The following KANK1 variants were observed in gnomAD, a reference collection of about 807,000 sequenced individuals.
The protein encoded by KANK1 is KN motif and ankyrin repeat domain-containing protein 1.
Under a neutral mutation model 106.2 loss-of-function variants are expected in KANK1, and 109 were observed. The ratio of observed to expected loss-of-function variants is 1.03; its 90% CI spans 0.88 to 1.20. KANK1 has a LOEUF of 1.20. KANK1 is among the 50% of genes most tolerant of loss of function. The pLI, the probability that KANK1 is intolerant of heterozygous loss-of-function variation, is 0.00. For missense variants in KANK1, 2,399 were observed against 1,710.7 expected, an observed-to-expected ratio of 1.40 and a Z score of -7.10; for synonymous variants, 873 against 652.2, an observed-to-expected ratio of 1.34 and a Z score of -5.16.
At chr9:529,161 G>C (rs2059939866) in intron 1 of KANK1, among the ~76,000 whole-genome samples, 1 of 151,334 alleles carries the variant, frequency 6.6e-6, no homozygotes, top group South Asian at 2.1e-4. Context: ...TCCTGTACTA[G>C]CTACCATATT....
upstream of KANK1, among the ~76,000 whole-genome samples, chr9:502,810 G>C (rs1339348886): frequency 6.6e-6 from 1 of 152,040 alleles, no homozygotes; most frequent in East Asian, 1.9e-4. Context: ...ATAGGTGTGA[G>C]CCAGTGCACC....
At chr9:548,024 T>C (rs1587705488) in intron 1 of KANK1, among the ~76,000 whole-genome samples, 1 of 152,242 alleles carries the variant, frequency 6.6e-6, no homozygotes, top group African/African-American at 2.4e-5. Context: ...ATGAAATCCA[T>C]AATCTTCCTT....
intron 6 of KANK1, 143 bp downstream of exon 6, chr9:732,760 T>C (rs928515589): frequency 6.9e-6 from 6 of 863,884 alleles, no homozygotes; most frequent in Non-Finnish European, 8.9e-6. Context: ...GATACTAATA[T>C]ATACAAGTGC....
chr9:555,280 C>G (rs1161499682), intron 1 of KANK1, among the ~76,000 whole-genome samples: 1 of 152,130 alleles, frequency 6.6e-6, no homozygotes, highest in African/African-American at 2.4e-5. Flanking sequence ...TACGATGACT[C>G]TATGGAGCCA....
intron 2 of KANK1, among the ~76,000 whole-genome samples, chr9:690,178 C>A (rs1251898446): frequency 6.8e-6 from 1 of 147,444 alleles, no homozygotes; most frequent in Non-Finnish European, 1.5e-5. Flanking sequence ...TGTTGGCAGG[C>A]CCCTGTAATC....
chr9:532,072 T>A (rs2060081594), intron 1 of KANK1, among the ~76,000 whole-genome samples: 1 of 152,170 alleles, frequency 6.6e-6, no homozygotes, highest in African/African-American at 2.4e-5. Context: ...TAGACTAGAC[T>A]GTAAAATCGT....
chr9:722,216 G>C (rs115697965), intron 3 of KANK1, among the ~76,000 whole-genome samples: 1,919 of 152,210 alleles, frequency 0.013, 40 homozygotes, highest in African/African-American at 0.043. Context: ...ACTAATGAAA[G>C]CACACAAGGT....
At chr9:634,124 A>G (rs1266277803) in intron 1 of KANK1, among the ~76,000 whole-genome samples, 2 of 152,248 alleles carry the variant, frequency 1.3e-5, no homozygotes, top group African/African-American at 2.4e-5. Flanking sequence ...TGCAGTAAAG[A>G]AAGAGTTTAA....
chr9:580,070 G>T (rs938425018), intron 1 of KANK1, among the ~76,000 whole-genome samples: 1 of 152,138 alleles, frequency 6.6e-6, no homozygotes, highest in African/African-American at 2.4e-5. Context: ...TCCGAAGTTT[G>T]TTCCTTCTGA....
intron 10 of KANK1, among the ~76,000 whole-genome samples, chr9:743,870 A>T (rs944836652): frequency 6.6e-6 from 1 of 152,164 alleles, no homozygotes; most frequent in African/African-American, 2.4e-5. Flanking sequence ...AACACACTAG[A>T]CAGAAGACAA....
chr9:543,766 AT>A (rs2060759341), intron 1 of KANK1, among the ~76,000 whole-genome samples: 1 of 152,142 alleles, frequency 6.6e-6, no homozygotes, highest in Non-Finnish European at 1.5e-5. Flanking sequence ...ACTCTAATTG[AT>A]TTAAAAAAGT....
Position 742,384 on chromosome 9 carries a change from C to T in KANK1, c.3876C>T (p.Cys1292=). 2 of 1,613,656 alleles carry T rather than the reference C, an allele frequency of 1.2e-6. No individual in the cohort carries two copies. Among genetic ancestry groups the T allele is most frequent in the Non-Finnish European group, 1.7e-6 (2 of 1,179,792 alleles). The change falls in exon 10 of 12, where the codon TGC becomes TGT. Residue 1292 remains cysteine, a synonymous_variant. Transcript: ENST00000382297. Reference sequence around the variant, plus strand: ...AGCTGCTGCTGGCCCAGCCCGGCTGCAACGGTCACCTAGAGGACAACGTAA... The same window carrying T: ...AGCTGCTGCTGGCCCAGCCCGGCTGTAACGGTCACCTAGAGGACAACGTAA... ...IVKLLLAQPG[C]NGHLEDNDGS...
chr9:547,299 G>T (rs1262821792), intron 1 of KANK1: 1 of 152,188 alleles, frequency 6.6e-6, no homozygotes, highest in Non-Finnish European at 1.5e-5. Context: ...TTTTGTCAAT[G>T]GGGAAGGACT....
intron 1 of KANK1, among the ~76,000 whole-genome samples, chr9:537,029 A>T (rs1028335506): frequency 6.6e-6 from 1 of 152,196 alleles, no homozygotes; most frequent in Non-Finnish European, 1.5e-5. Flanking sequence ...TTTTAGGACA[A>T]GGAAGCGAGA....
intron 2 of KANK1, among the ~76,000 whole-genome samples, chr9:707,420 G>A (rs1378394595): frequency 1.3e-5 from 2 of 152,276 alleles, no homozygotes; most frequent in African/African-American, 4.8e-5. Context: ...CGGGAGGCCC[G>A]GATCAGCCTG....
intron 2 of KANK1, chr9:693,307 G>T: frequency 1.2e-6 from 1 of 822,170 alleles, no homozygotes; most frequent in South Asian, 5.5e-5. Flanking sequence ...CAGCTGCTGT[G>T]CTATAGCTCA....
Position 712,196 on chromosome 9 carries a change from G to A in KANK1, c.1430G>A (p.Arg477Lys). 1 of 1,614,204 alleles carries A rather than the reference G, an allele frequency of 6.2e-7. No individual in the cohort carries two copies. Among genetic ancestry groups the A allele is most frequent in the Non-Finnish European group, 8.5e-7 (1 of 1,180,030 alleles). Residue 477 changes from arginine (R) to lysine (K), a missense_variant, in exon 3 of 12, where the codon AGA becomes AAA. Arg to Lys is a conservative substitution (Grantham distance 26). Transcript: ENST00000382297. ...ATCTATCGCCTAGAAGTACAGCTTA[G>A]AGAAACCACCCATGACCGGGAGATG... ...EKIYRLEVQL[R>K]ETTHDREMTK...
At chr9:551,223 A>T (rs971488050) in intron 1 of KANK1, among the ~76,000 whole-genome samples, 1 of 151,346 alleles carries the variant, frequency 6.6e-6, no homozygotes, top group African/African-American at 2.4e-5. Flanking sequence ...AAGATGAAGA[A>T]TAAGGGCAAG....
At chr9:741,059 T>C in intron 9 of KANK1, 125 bp downstream of exon 9, 1 of 1,058,774 alleles carries the variant, frequency 9.4e-7, no homozygotes, top group Non-Finnish European at 1.4e-6. Flanking sequence ...TTTGCAGGCC[T>C]GCCCTGAGTC....
Sources: gnomAD v4.1 joint callset for allele counts (sites outside exome capture counted in the v4.1 genomes callset) on GRCh38, gnomAD v4.1.1 for gene constraint, MANE v1.5 for transcripts, NCBI Gene and HGNC (gene_info 2026-07-23, HGNC 2026-07-21) for gene names.